MAN1A2: variants seen among roughly 807,000 people sequenced by gnomAD.
MAN1A2 encodes the protein mannosyl-oligosaccharide 1,2-alpha-mannosidase IB.
In MAN1A2, 26 loss-of-function variants were observed where a neutral mutation model predicts 75.7. The ratio of observed to expected loss-of-function variants is 0.34; its 90% CI spans 0.25 to 0.48. MAN1A2 has a LOEUF of 0.48. Ranked by LOEUF, MAN1A2 falls within the 20% of genes least tolerant of loss-of-function variation. The pLI is 0.99. For missense variants in MAN1A2, 562 were observed against 775.5 expected (o/e 0.72, Z 3.27); for synonymous variants, 247 against 264.6 (o/e 0.93, Z 0.65).
intron 5 of MAN1A2, among the ~76,000 whole-genome samples, chr1:117,426,798 C>G (rs2101788720): frequency 6.6e-6 from 1 of 152,214 alleles, no homozygotes; most frequent in African/African-American, 2.4e-5. Flanking sequence ...TAGTGACCAT[C>G]TGTATTTTTT....
At chr1:117,470,303 G>A (rs1361253561) in intron 8 of MAN1A2, among the ~76,000 whole-genome samples, 2 of 152,090 alleles carry the variant, frequency 1.3e-5, no homozygotes, top group African/African-American at 4.8e-5. Context: ...GTTGACCAGA[G>A]GCTTTGGATG....
At position 117,526,880 on chromosome 1, in the gene MAN1A2, C is replaced by CTCTCTCTCTCTATATATATATATA; in HGVS notation, c.*3924_*3925insCTCTCTCTCTATATATATATATAT. On this transcript the variant is annotated 3_prime_UTR_variant, in exon 13 of 13. Transcript: ENST00000356554. ...TCTCTCTCTCTCTCTCTCTCTCTCTCTATATATATATATATATATATATAT... is the reference window on the plus strand; with the variant it reads ...TCTCTCTCTCTCTCTCTCTCTCTCTCTCTCTCTCTCTATATATATATATATATATATATATATATATATATATAT... 6.1e-4 allele frequency: 33 copies of CTCTCTCTCTCTATATATATATATA among 54,518 alleles called. No individual in the cohort carries two copies. The highest frequency in any genetic ancestry group is 1.1e-3 in the African/African-American group (13 of 12,284). 3.4% of individuals were successfully genotyped at this position (54,518 alleles called of 1,614,324 possible). A position where few individuals can be genotyped will look rare whatever the true frequency, so the allele number is the denominator to read the frequency against.
At chr1:117,406,567 T>A (rs1193807078) in intron 3 of MAN1A2, among the ~76,000 whole-genome samples, 1 of 152,156 alleles carries the variant, frequency 6.6e-6, no homozygotes, top group African/African-American at 2.4e-5. Context: ...AGAAAATGTC[T>A]TAAAAAATAA....
At chr1:117,393,513 C>G (rs779517674) in intron 1 of MAN1A2, among the ~76,000 whole-genome samples, 2 of 150,466 alleles carry the variant, frequency 1.3e-5, no homozygotes, top group Non-Finnish European at 3.0e-5. Context: ...TTCCTGGATT[C>G]TCTGAAATTT....
At chr1:117,452,745 A>T (rs565176405) in intron 6 of MAN1A2, among the ~76,000 whole-genome samples, 1 of 152,360 alleles carries the variant, frequency 6.6e-6, no homozygotes, top group South Asian at 2.1e-4. Context: ...GTAAGTGCTG[A>T]TGTAGAAATT....
intron 6 of MAN1A2, among the ~76,000 whole-genome samples, chr1:117,458,499 ATATATATATATAGATATATATATAT>A (rs1649679359): frequency 1.2e-5 from 1 of 85,892 alleles, no homozygotes; most frequent in East Asian, 2.2e-4. Flanking sequence ...ATATATATCT[ATATATATATATAGATATATATATAT>A]TTTTTTTTTT....
chr1:117,467,537 CT>C (rs1476695037), intron 8 of MAN1A2, among the ~76,000 whole-genome samples: 4 of 152,158 alleles, frequency 2.6e-5, no homozygotes, highest in Non-Finnish European at 4.4e-5. Context: ...TTTATACTTA[CT>C]TTTCCTGTTT....
intron 6 of MAN1A2, among the ~76,000 whole-genome samples, chr1:117,451,841 A>C (rs1223008286): frequency 6.6e-6 from 1 of 152,148 alleles, no homozygotes; most frequent in Non-Finnish European, 1.5e-5. Context: ...AAAATGGACT[A>C]ATGCAGCATG....
At chr1:117,512,504 A>T (rs373903281) in intron 12 of MAN1A2, among the ~76,000 whole-genome samples, 1 of 152,074 alleles carries the variant, frequency 6.6e-6, no homozygotes, top group African/African-American at 2.4e-5. Flanking sequence ...GGGGAATCAC[A>T]CTTTGATAAC....
intron 10 of MAN1A2, among the ~76,000 whole-genome samples, chr1:117,497,933 A>G (rs1651080770): frequency 6.6e-6 from 1 of 151,930 alleles, no homozygotes. Context: ...TTAATTTATC[A>G]TCAGATACCA....
intron 3 of MAN1A2, among the ~76,000 whole-genome samples, chr1:117,410,548 G>A (rs547810797): frequency 7.3e-5 from 11 of 151,130 alleles, no homozygotes; most frequent in African/African-American, 2.7e-4. Flanking sequence ...CTAGGCAAAG[G>A]TGTCTACCCT....
chr1:117,469,728 C>T (rs1019260611), intron 8 of MAN1A2, among the ~76,000 whole-genome samples: 3 of 152,036 alleles, frequency 2.0e-5, no homozygotes, highest in Non-Finnish European at 2.9e-5. Context: ...AAAATAAGTA[C>T]ATGAAAAAGA....
chr1:117,431,950 T>A (rs1276280535), intron 5 of MAN1A2, among the ~76,000 whole-genome samples: 3 of 151,990 alleles, frequency 2.0e-5, no homozygotes, highest in Non-Finnish European at 4.4e-5. Context: ...ACCCTGTCTC[T>A]CAAAAACAAA....
At chr1:117,519,510 C>T (rs1410020454) in intron 12 of MAN1A2, among the ~76,000 whole-genome samples, 3 of 151,890 alleles carry the variant, frequency 2.0e-5, no homozygotes, top group African/African-American at 7.3e-5. Context: ...CAGCTGACAC[C>T]ACTGAAATAC....
In MAN1A2 at chr1:117,432,805, A is replaced by T. The variant is rs1648714271; in HGVS notation, c.856-9426A>T. 2.6e-5 allele frequency among the ~76,000 whole-genome samples: 4 copies of T among 151,550 alleles called. No individual in the cohort carries two copies. The South Asian group carries it at 8.3e-4, about 31-fold the overall frequency. On this transcript the variant is annotated intron_variant, in intron 5 of 12. Transcript: ENST00000356554. ...TAGCAAGAGAAAACTACAGACCAGT[A>T]TACTTTTTAAATACATTAGCAAGAA...
Position 117,466,375 on chromosome 1 carries a change from A to T in MAN1A2, c.1116A>T (p.Pro372=). Reference sequence around the variant, plus strand: ...AACTACTTCAGAAAATGGATCGTCCAAATGGTCTTTATCCAAATTATTTGA... The same window carrying T: ...AACTACTTCAGAAAATGGATCGTCCTAATGGTCTTTATCCAAATTATTTGA... The part of the protein sequence containing the change: ...IRKLLQKMDR[P]NGLYPNYLNP... The change falls in exon 8 of 13, where the codon CCA becomes CCT. Residue 372 remains proline (P), a synonymous_variant. Transcript: ENST00000356554. The T allele has an allele frequency of 6.2e-7, 1 of 1,612,384 alleles. No homozygotes were observed. Among genetic ancestry groups the T allele is most frequent in the Non-Finnish European group, 8.5e-7 (1 of 1,179,082 alleles).
intron 2 of MAN1A2, among the ~76,000 whole-genome samples, chr1:117,403,558 C>G (rs921274295): frequency 6.6e-6 from 1 of 152,110 alleles, no homozygotes; most frequent in African/African-American, 2.4e-5. Flanking sequence ...TCCTCAGGTT[C>G]AGTGACTCAC....
chr1:117,450,604 A>G (rs1412830914), intron 6 of MAN1A2, among the ~76,000 whole-genome samples: 1 of 152,164 alleles, frequency 6.6e-6, no homozygotes, highest in Non-Finnish European at 1.5e-5. Context: ...CCCAAGGCCT[A>G]GGAGGAAAAA....
chr1:117,389,950 T>A (rs138627914), intron 1 of MAN1A2, among the ~76,000 whole-genome samples: 4 of 152,308 alleles, frequency 2.6e-5, no homozygotes, highest in African/African-American at 9.6e-5. Context: ...TTTCTGCATC[T>A]CTTGATGATC....
Sources: gnomAD v4.1 joint callset for allele counts (sites outside exome capture counted in the v4.1 genomes callset) on GRCh38, gnomAD v4.1.1 for gene constraint, MANE v1.5 for transcripts, NCBI Gene and HGNC (gene_info 2026-07-23, HGNC 2026-07-21) for gene names.